The following FN3K variants were observed in gnomAD, a reference collection of about 807,000 sequenced individuals.
FN3K encodes fructosamine-3-kinase.
FN3K carries 24 observed loss-of-function variants against 24.8 expected under a neutral mutation model. The observed-to-expected ratio is 0.97, with a 90% CI of 0.70 to 1.36. The LOEUF is 1.36. Ranked by LOEUF, FN3K falls within the 40% of genes most tolerant of loss-of-function variation. The probability of loss-of-function intolerance (pLI) is 0.00; values close to 1 mark genes in which losing one functional copy is unlikely to be tolerated. For synonymous variants in FN3K, 192 were observed against 175.2 expected, an observed-to-expected ratio of 1.10 and a Z score of -0.76; for missense variants, 449 against 416.7, an observed-to-expected ratio of 1.08 and a Z score of -0.67.
chr17:82,743,865 TG>T (rs1368441238), intron 4 of FN3K, among the ~76,000 whole-genome samples: 2 of 152,180 alleles, frequency 1.3e-5, no homozygotes, highest in African/African-American at 4.8e-5. Context: ...GCCTGGTCAT[TG>T]GGACCAGCTG....
At chr17:82,749,368 C>G (rs2046987677) in intron 5 of FN3K, 1 of 343,458 alleles carries the variant, frequency 2.9e-6, no homozygotes, top group Non-Finnish European at 5.7e-6. Context: ...TGACTGATTT[C>G]AAAACATAAC....
At chr17:82,737,842 T>C (rs951020793) in intron 1 of FN3K, 3 of 152,386 alleles carry the variant, frequency 2.0e-5, no homozygotes, top group East Asian at 3.9e-4. Context: ...AAGGTATTCA[T>C]GGACCACGTT....
chr17:82,742,056 C>T (rs1439473514), intron 4 of FN3K, among the ~76,000 whole-genome samples: 2 of 152,110 alleles, frequency 1.3e-5, no homozygotes, highest in South Asian at 2.1e-4. Flanking sequence ...TACAGGCATG[C>T]ACCACCACAC....
intron 4 of FN3K, 144 bp downstream of exon 4, chr17:82,741,537 T>C (rs2143644098): frequency 2.6e-6 from 2 of 767,794 alleles, no homozygotes; most frequent in East Asian, 5.7e-5. Context: ...ATACCTGGAA[T>C]GGGGAGAGCA....
At chr17:82,746,759 C>T (rs775052712) in intron 4 of FN3K, among the ~76,000 whole-genome samples, 11 of 152,102 alleles carry the variant, frequency 7.2e-5, no homozygotes, top group Middle Eastern at 3.4e-3. Context: ...GAGCTGAGAT[C>T]GTGCCATTGC....
rs2046920951 is a variant in FN3K, at chr17:82,738,655, G to C, written c.293+15G>C. 3.1e-6 allele frequency: 5 copies of C among 1,613,522 alleles called. No homozygotes were observed. Among genetic ancestry groups the C allele is most frequent in the Middle Eastern group, 1.6e-4 (1 of 6,062 alleles). On this transcript the variant is annotated intron_variant, in intron 2 of 5. Coordinates refer to ENST00000300784, the MANE Select transcript of FN3K (RefSeq NM_022158.4). Reference sequence around the variant, plus strand: ...AGCTTGAGCAGGTGAGTGTGTGTGAGACCCATATGCGCACATGTGTACAGG... The same window carrying C: ...AGCTTGAGCAGGTGAGTGTGTGTGACACCCATATGCGCACATGTGTACAGG...
Position 82,748,978 on chromosome 17 carries a change from G to C in FN3K, c.591+1G>C, listed in dbSNP as rs1440733167. On this transcript the variant is annotated splice_donor_variant, in intron 5 of 5. Transcript: ENST00000300784. LOFTEE classifies it high-confidence loss of function. ...ACGAGAACTCTGGTCCCGGCTACAGGTGGGCACGGCAGTGACTTCTCTGGG... is the reference window on the plus strand; with the variant it reads ...ACGAGAACTCTGGTCCCGGCTACAGCTGGGCACGGCAGTGACTTCTCTGGG... The C allele has an allele frequency of 6.2e-7, 1 of 1,614,202 alleles. No individual in the cohort carries two copies. Among genetic ancestry groups the C allele is most frequent in the Non-Finnish European group, 8.5e-7 (1 of 1,180,046 alleles).
At chr17:82,749,009 G>T (rs200697130) in intron 5 of FN3K, 32 bp downstream of exon 5, 1 of 1,613,936 alleles carries the variant, frequency 6.2e-7, no homozygotes, top group Non-Finnish European at 8.5e-7. Flanking sequence ...CTGGGAAAGA[G>T]CTGGTCCTCT....
chr17:82,738,323 C>T (rs1384452428), intron 1 of FN3K, 166 bp from the exon 2 acceptor site: 2 of 789,776 alleles, frequency 2.5e-6, no homozygotes, highest in Non-Finnish European at 3.9e-6. Flanking sequence ...CGACGGGGGG[C>T]CCCTCTGCAC....
At chr17:82,750,336 G>A in intron 5 of FN3K, 81 bp from the exon 6 acceptor site, 2 of 1,284,534 alleles carry the variant, frequency 1.6e-6, no homozygotes, top group South Asian at 2.4e-5. Context: ...TCGCGAGTGG[G>A]CTTTGCCTTA....
intron 3 of FN3K, 108 bp from the exon 4 acceptor site, chr17:82,741,203 A>G: frequency 1.0e-6 from 1 of 955,890 alleles, no homozygotes; most frequent in Non-Finnish European, 1.6e-6. Context: ...TCCTCAGACC[A>G]CCTATATTCT....
intron 4 of FN3K, among the ~76,000 whole-genome samples, chr17:82,748,343 C>T (rs1002217083): frequency 6.6e-6 from 1 of 151,994 alleles, no homozygotes; most frequent in Non-Finnish European, 1.5e-5. Flanking sequence ...GATGGAGTTT[C>T]CTTATGTTGC....
At chr17:82,741,546 C>A in intron 4 of FN3K, 153 bp downstream of exon 4, 1 of 716,344 alleles carries the variant, frequency 1.4e-6, no homozygotes, top group African/African-American at 1.7e-5. Context: ...ATGGGGAGAG[C>A]AGACGCTGAG....
chr17:82,738,191 C>T, intron 1 of FN3K: 1 of 396,410 alleles, frequency 2.5e-6, no homozygotes, highest in Non-Finnish European at 4.7e-6. Flanking sequence ...CTCACACCTC[C>T]CCACGCCCTC....
At position 82,750,783 on chromosome 17, in the gene FN3K, C is replaced by T. The variant is rs1191413440; in HGVS notation, c.*28C>T. Reference sequence around the variant, plus strand: ...GCCCCTGCCCTCCCTTCCCCTGTCCCCGTCCCCGTCTCCGTCTCCCCGTCC... The same window carrying T: ...GCCCCTGCCCTCCCTTCCCCTGTCCTCGTCCCCGTCTCCGTCTCCCCGTCC... On this transcript the variant is annotated 3_prime_UTR_variant, in exon 6 of 6. Coordinates refer to ENST00000300784, the MANE Select transcript of FN3K (RefSeq NM_022158.4). 2.5e-6 allele frequency: 4 copies of T among 1,579,464 alleles called. No homozygotes were observed. The South Asian group carries it at 3.4e-5, about 13-fold the overall frequency.
At chr17:82,738,944 A>ACACG (rs2046924075) in intron 2 of FN3K, among the ~76,000 whole-genome samples, 1 of 83,056 alleles carries the variant, frequency 1.2e-5, no homozygotes, top group African/African-American at 5.5e-5. Context: ...ATATATATAT[A>ACACG]TATTTTTTTT....
intron 1 of FN3K, chr17:82,736,003 C>G (rs1238496089): frequency 3.5e-6 from 2 of 567,620 alleles, no homozygotes; most frequent in Admixed American, 3.4e-5. Flanking sequence ...GCACAGGCTT[C>G]TAGGGGTGGT....
chr17:82,735,778 G>A lies in FN3K; in HGVS notation c.141+1G>A, dbSNP rs1475042194. On this transcript the variant is annotated splice_donor_variant, in intron 1 of 5. Transcript: ENST00000300784. LOFTEE classifies it high-confidence loss of function. ...CGTCAAAGTCAACCGCAGGACGCAG[G>A]TGCTGGCCCGTGCGCAGGCGGGGGC... The A allele has an allele frequency of 3.2e-6, 5 of 1,558,570 alleles. No individual in the cohort carries two copies. The East Asian group carries it at 1.2e-4, about 37-fold the overall frequency.
intron 4 of FN3K, among the ~76,000 whole-genome samples, chr17:82,743,017 A>G (rs780568369): frequency 7.9e-5 from 12 of 152,062 alleles, no homozygotes; most frequent in Non-Finnish European, 1.3e-4. Flanking sequence ...AGAACTGCAC[A>G]TGGAGCTTAC....
Sources: allele counts gnomAD v4.1 joint callset (sites outside exome capture counted in the v4.1 genomes callset), GRCh38; gene constraint gnomAD v4.1.1; transcripts MANE v1.5; gene names NCBI Gene and HGNC (gene_info 2026-07-23, HGNC 2026-07-21).